The following ATP11B variants were observed in gnomAD, a reference collection of about 807,000 sequenced individuals.
The protein encoded by ATP11B is ATPase phospholipid transporting 11B (putative).
Under a neutral mutation model 157.8 loss-of-function variants are expected in ATP11B, and 81 were observed. The ratio of observed to expected loss-of-function variants is 0.51; its 90% CI spans 0.43 to 0.62. The LOEUF (loss-of-function observed/expected upper bound fraction) is 0.62, where lower values mean the gene tolerates loss of function less well. Among genes scored for constraint, ATP11B ranks in the 20% least tolerant of loss-of-function variants. The pLI, the probability that ATP11B is intolerant of heterozygous loss-of-function variation, is 0.00. For missense variants in ATP11B, 1,165 were observed against 1,402.2 expected (o/e 0.83, Z 2.70); for synonymous variants, 451 against 469.4 (o/e 0.96, Z 0.51).
intron 1 of ATP11B, among the ~76,000 whole-genome samples, chr3:182,814,107 G>C (rs1716831573): frequency 6.6e-6 from 1 of 151,998 alleles, no homozygotes; most frequent in African/African-American, 2.4e-5. Context: ...TTGTCACCCA[G>C]GCTGAAGTAC....
intron 29 of ATP11B, chr3:182,916,890 G>A (rs1158078015): frequency 1.0e-6 from 1 of 981,904 alleles, no homozygotes; most frequent in African/African-American, 1.7e-5. Flanking sequence ...AAGCATACTT[G>A]TCCCCTGTAA....
intron 13 of ATP11B, among the ~76,000 whole-genome samples, chr3:182,866,067 A>G (rs2108542124): frequency 6.6e-6 from 1 of 152,232 alleles, no homozygotes; most frequent in South Asian, 2.1e-4. Context: ...ATGTGGTTGT[A>G]CCTCCTAAAA....
chr3:182,804,954 C>T (rs1295811857), intron 1 of ATP11B, among the ~76,000 whole-genome samples: 1 of 152,098 alleles, frequency 6.6e-6, no homozygotes, highest in Non-Finnish European at 1.5e-5. Flanking sequence ...GCATGTATCA[C>T]TACTTCATTT....
chr3:182,876,438 C>T (rs577437742), intron 19 of ATP11B, among the ~76,000 whole-genome samples: 30 of 152,252 alleles, frequency 2.0e-4, no homozygotes, highest in Admixed American at 3.3e-4. Flanking sequence ...TATTATAAAA[C>T]GTAGAGTACA....
chr3:182,895,326 T>A (rs1416370327), intron 25 of ATP11B, among the ~76,000 whole-genome samples: 2 of 152,024 alleles, frequency 1.3e-5, no homozygotes, highest in Non-Finnish European at 2.9e-5. Context: ...CCCCAAATGC[T>A]CTCAAATAAA....
intron 10 of ATP11B, among the ~76,000 whole-genome samples, chr3:182,854,109 C>T (rs73050669): frequency 2.0e-5 from 3 of 152,286 alleles, no homozygotes; most frequent in Admixed American, 6.5e-5. Flanking sequence ...TAGCTTCTGC[C>T]TTATGCTGTA....
chr3:182,858,598 A>G (rs2108533338), intron 11 of ATP11B, among the ~76,000 whole-genome samples: 1 of 152,300 alleles, frequency 6.6e-6, no homozygotes, highest in South Asian at 2.1e-4. Flanking sequence ...GCAAATAATC[A>G]CAGGGTCGTA....
chr3:182,880,846 C>T (rs370186841), intron 20 of ATP11B, 33 bp from the exon 21 acceptor site: 18 of 1,393,956 alleles, frequency 1.3e-5, no homozygotes, highest in African/African-American at 8.8e-5. Context: ...ATTGAACTTG[C>T]GTCATAAATA....
intron 24 of ATP11B, among the ~76,000 whole-genome samples, chr3:182,888,795 G>T (rs1256644701): frequency 6.6e-6 from 1 of 151,468 alleles, no homozygotes; most frequent in Non-Finnish European, 1.5e-5. Context: ...TGATCCTCCT[G>T]CATTGGCCTC....
At chr3:182,823,260 A>C (rs1037290036) in intron 2 of ATP11B, among the ~76,000 whole-genome samples, 2 of 152,208 alleles carry the variant, frequency 1.3e-5, no homozygotes, top group Non-Finnish European at 2.9e-5. Context: ...CTGACATTTA[A>C]GTCTTTAATC....
At chr3:182,842,198 A>G (rs1245331711) in intron 8 of ATP11B, 76 bp downstream of exon 8, 21 of 1,027,814 alleles carry the variant, frequency 2.0e-5, no homozygotes, top group Non-Finnish European at 2.8e-5. Flanking sequence ...TTCCAAAGGG[A>G]GATTATGTAA....
At chr3:182,857,277 C>T (rs1026910137) in intron 10 of ATP11B, among the ~76,000 whole-genome samples, 1 of 152,192 alleles carries the variant, frequency 6.6e-6, no homozygotes, top group Non-Finnish European at 1.5e-5. Flanking sequence ...TCCTGAGTAG[C>T]TGGGAATACA....
Position 182,887,597 on chromosome 3 carries a change from CA to C in ATP11B, c.2728del (p.Ser910AlafsTer4). The stretch of plus-strand genomic sequence containing the variant: ...ATTTCTCTTTCTAGACATTGTATGA[CA>C]GCGTGTACCTGACTTTATACAATAT... ...CLFSQQTLYD[S>X]VYLTLYNICF... is the part of the protein sequence containing the mutation. On this transcript the variant is annotated frameshift_variant, in exon 24 of 30. Coordinates refer to ENST00000323116, the MANE Select transcript of ATP11B (RefSeq NM_014616.3). LOFTEE classifies it high-confidence loss of function. The C allele has an allele frequency of 6.2e-7, 1 of 1,609,310 alleles. No individual in the cohort carries two copies. Among genetic ancestry groups the C allele is most frequent in the Non-Finnish European group, 8.5e-7 (1 of 1,178,426 alleles).
intron 17 of ATP11B, 40 bp downstream of exon 17, chr3:182,869,371 T>A (rs752895771): frequency 7.9e-7 from 1 of 1,272,800 alleles, no homozygotes; most frequent in Admixed American, 2.4e-5. Flanking sequence ...CTCTAAAAGA[T>A]ATATTTATGA....
intron 28 of ATP11B, among the ~76,000 whole-genome samples, chr3:182,907,116 G>T (rs6771588): frequency 0.36 from 53,963 of 150,786 alleles, 11,599 homozygotes; most frequent in African/African-American, 0.59. Flanking sequence ...AAGAAAGAAA[G>T]AAGAATTGAT....
At chr3:182,808,871 T>C (rs1716484697) in intron 1 of ATP11B, among the ~76,000 whole-genome samples, 1 of 152,202 alleles carries the variant, frequency 6.6e-6, no homozygotes, top group African/African-American at 2.4e-5. Context: ...TACACCAATA[T>C]TGATGTGTTG....
intron 10 of ATP11B, among the ~76,000 whole-genome samples, chr3:182,854,528 G>C (rs1577026191): frequency 6.6e-6 from 1 of 151,958 alleles, no homozygotes. Context: ...AACTTAGAAA[G>C]ATATCTTTAT....
chr3:182,895,920 G>A (rs917908786), intron 25 of ATP11B, among the ~76,000 whole-genome samples: 2 of 152,160 alleles, frequency 1.3e-5, no homozygotes, highest in South Asian at 4.1e-4. Context: ...TAGTGGTCAG[G>A]TGGTTAGGCA....
chr3:182,852,509 G>A (rs1343166530), intron 10 of ATP11B, among the ~76,000 whole-genome samples: 2 of 152,128 alleles, frequency 1.3e-5, no homozygotes, highest in African/African-American at 4.8e-5. Context: ...TGAAAACACA[G>A]GTAACTTACC....
Sources: gnomAD v4.1 joint callset for allele counts (sites outside exome capture counted in the v4.1 genomes callset) on GRCh38, gnomAD v4.1.1 for gene constraint, MANE v1.5 for transcripts, NCBI Gene and HGNC (gene_info 2026-07-23, HGNC 2026-07-21) for gene names.